STPG2: variants seen among roughly 807,000 people sequenced by gnomAD.
STPG2 encodes sperm tail PG-rich repeat containing 2.
STPG2 carries 56 observed loss-of-function variants against 54.2 expected under a neutral mutation model. That is an observed-to-expected ratio of 1.03 (90% CI 0.83 to 1.29). STPG2 has a LOEUF of 1.29. STPG2 is among the 50% of genes most tolerant of loss of function. The probability of loss-of-function intolerance (pLI) is 0.00; values close to 1 mark genes in which losing one functional copy is unlikely to be tolerated. For synonymous variants in STPG2, 200 were observed against 181.8 expected (o/e 1.10, Z -0.81); for missense variants, 596 against 544.9 (o/e 1.09, Z -0.93).
chr4:98,068,529 C>T (rs893149152), intron 5 of STPG2, among the ~76,000 whole-genome samples: 2 of 152,000 alleles, frequency 1.3e-5, no homozygotes, highest in African/African-American at 4.8e-5. Flanking sequence ...TGAATTGCTC[C>T]TGAGTTTCAT....
intron 8 of STPG2, among the ~76,000 whole-genome samples, chr4:97,882,716 A>C (rs977352458): frequency 1.3e-5 from 2 of 152,142 alleles, no homozygotes; most frequent in African/African-American, 4.8e-5. Context: ...AATGATGAAA[A>C]AACATGAAAC....
chr4:97,883,560 T>C (rs184302642), intron 8 of STPG2, among the ~76,000 whole-genome samples: 4 of 151,676 alleles, frequency 2.6e-5, no homozygotes, highest in Admixed American at 2.6e-4. Flanking sequence ...AGCAGCAACA[T>C]GAAATTATAA....
chr4:97,966,864 A>G (rs1257413473), intron 7 of STPG2, among the ~76,000 whole-genome samples: 1 of 152,248 alleles, frequency 6.6e-6, no homozygotes, highest in Non-Finnish European at 1.5e-5. Flanking sequence ...AGGAAGCACT[A>G]ACCATGGAAA....
chr4:97,902,263 G>A (rs185020815), intron 8 of STPG2, among the ~76,000 whole-genome samples: 1 of 152,028 alleles, frequency 6.6e-6, no homozygotes, highest in African/African-American at 2.4e-5. Flanking sequence ...ATGGATCTGA[G>A]ATCATAAGCA....
intron 9 of STPG2, among the ~76,000 whole-genome samples, chr4:97,720,837 A>G (rs1247864872): frequency 6.6e-6 from 1 of 151,986 alleles, no homozygotes; most frequent in Non-Finnish European, 1.5e-5. Context: ...TGCTACTTTC[A>G]AAGCCTGTTA....
At chr4:98,045,141 G>A (rs1383705335) in intron 5 of STPG2, among the ~76,000 whole-genome samples, 1 of 151,526 alleles carries the variant, frequency 6.6e-6, no homozygotes, top group African/African-American at 2.4e-5. Flanking sequence ...ATTCCAAGGA[G>A]TCTGGCATTC....
At chr4:97,618,717 A>AG (rs1216462425) in intron 10 of STPG2, among the ~76,000 whole-genome samples, 1 of 152,178 alleles carries the variant, frequency 6.6e-6, no homozygotes, top group Non-Finnish European at 1.5e-5. Flanking sequence ...ATTCACTACA[A>AG]GGAGTTTACT....
chr4:97,816,556 G>A (rs959410986), intron 9 of STPG2, among the ~76,000 whole-genome samples: 1 of 152,088 alleles, frequency 6.6e-6, no homozygotes, highest in African/African-American at 2.4e-5. Flanking sequence ...GGATATGTCT[G>A]TGAGAGTGTT....
At chr4:97,821,010 A>C (rs1185588204) in intron 9 of STPG2, among the ~76,000 whole-genome samples, 1 of 152,150 alleles carries the variant, frequency 6.6e-6, no homozygotes, top group East Asian at 1.9e-4. Context: ...CATGCTTTCC[A>C]ATAGGTTCCC....
rs1409876680 is a variant in STPG2, at chr4:97,780,942, G to A, written c.1204+59831C>T. On this transcript the variant is annotated intron_variant, in intron 9 of 10. Transcript: ENST00000295268. ...GACACATTTAAAGCAGTGGGTAGAG[G>A]GAAATTTATAGCACTAAATGCCCAC... 7.9e-5 allele frequency among the ~76,000 whole-genome samples: 12 copies of A among 152,066 alleles called. No homozygotes were observed. In the East Asian group the frequency reaches 1.9e-3, roughly 24 times the overall value.
chr4:97,642,953 A>G (rs1405425128), intron 10 of STPG2, among the ~76,000 whole-genome samples: 1 of 151,584 alleles, frequency 6.6e-6, no homozygotes, highest in African/African-American at 2.4e-5. Flanking sequence ...GTAGTAAAGC[A>G]ATATTAACCA....
At chr4:98,054,508 G>C (rs1737424366) in intron 5 of STPG2, among the ~76,000 whole-genome samples, 1 of 152,202 alleles carries the variant, frequency 6.6e-6, no homozygotes, top group African/African-American at 2.4e-5. Context: ...AAGATACTTA[G>C]AGCTCAAAAT....
rs1196971223 is a variant in STPG2 at position 97,882,420 on chromosome 4, A to G, written c.1045-41488T>C. On this transcript the variant is annotated intron_variant, in intron 8 of 10. Coordinates refer to ENST00000295268, the MANE Select transcript of STPG2 (RefSeq NM_174952.3). ...GTAAACCATGTTGCCTCAAGGGCAC[A>G]GGTGCAGATCCCTGGAGAAAGAAAA... 2.0e-5 allele frequency among the ~76,000 whole-genome samples: 3 copies of G among 152,310 alleles called. 1 individual carries two copies. The East Asian group carries it at 5.8e-4, about 29-fold the overall frequency.
intron 9 of STPG2, among the ~76,000 whole-genome samples, chr4:97,731,312 G>T (rs985480225): frequency 2.0e-5 from 3 of 152,086 alleles, no homozygotes; most frequent in African/African-American, 7.2e-5. Flanking sequence ...TTCCTGCATT[G>T]GGTTTCACAG....
At chr4:98,079,929 C>A (rs1738290597) in intron 5 of STPG2, among the ~76,000 whole-genome samples, 1 of 151,930 alleles carries the variant, frequency 6.6e-6, no homozygotes, top group South Asian at 2.1e-4. Flanking sequence ...ATGTATATAT[C>A]TATTAAAAAT....
chr4:97,767,786 G>T lies in STPG2; in HGVS notation c.1205-54972C>A, dbSNP rs76631100. Among the ~76,000 whole-genome samples, 621 of 152,188 alleles carry T rather than the reference G, an allele frequency of 4.1e-3. 28 individuals carry two copies. The East Asian group carries it at 0.1, about 25-fold the overall frequency. On this transcript the variant is annotated intron_variant, in intron 9 of 10. Coordinates refer to ENST00000295268, the MANE Select transcript of STPG2 (RefSeq NM_174952.3). ...GATTTGGCTTTTTCCTAACAATCTG[G>T]CATTTTTGAGAAAACAAAAATTGAT... is the stretch of plus-strand genomic sequence containing the variant.
chr4:98,087,226 G>A (rs987519779), intron 5 of STPG2, among the ~76,000 whole-genome samples: 6 of 131,388 alleles, frequency 4.6e-5, no homozygotes, highest in African/African-American at 1.8e-4. Context: ...TTTCAAGAAT[G>A]CATTAAATTT....
chr4:97,972,350 G>T lies in STPG2; in HGVS notation c.863C>A (p.Ser288Tyr). 1 of 1,610,646 alleles carries T rather than the reference G, an allele frequency of 6.2e-7. No homozygotes were observed. The highest frequency in any genetic ancestry group is 8.5e-7 in the Non-Finnish European group (1 of 1,178,094). ...CGAGAAGAAAGTCCGAGGAACAGAA[G>T]AACCAAATGCACTTTTCTTCTGTTT... Reference protein sequence around the residue: ...SKKQKKSAFGSSVPRTFFSVQ... With the variant: ...SKKQKKSAFGYSVPRTFFSVQ... The change falls in exon 7 of 11, where the codon TCT becomes TAT. Residue 288 changes from serine (S) to tyrosine (Y), a missense_variant. By Grantham distance (144) the Ser-to-Tyr change is moderately radical (BLOSUM62 -2). Coordinates refer to ENST00000295268, the MANE Select transcript of STPG2 (RefSeq NM_174952.3).
At position 97,969,615 on chromosome 4, in the gene STPG2, T is replaced by A. The variant is rs569439747; in HGVS notation, c.933+2665A>T. ...GGGCTGCTGGCCAGATCCCGCAATATTCATGTTAAAAACTCTCAATAAACT... is the reference window on the plus strand; with the variant it reads ...GGGCTGCTGGCCAGATCCCGCAATAATCATGTTAAAAACTCTCAATAAACT... On this transcript the variant is annotated intron_variant, in intron 7 of 10. Coordinates refer to ENST00000295268, the MANE Select transcript of STPG2 (RefSeq NM_174952.3). Among the ~76,000 whole-genome samples the A allele has an allele frequency of 1.1e-3, 164 of 152,280 alleles. 2 individuals are homozygous for A. The South Asian group carries it at 0.019, about 18-fold the overall frequency.
Sources: gnomAD v4.1 joint callset for allele counts (sites outside exome capture counted in the v4.1 genomes callset) on GRCh38, gnomAD v4.1.1 for gene constraint, MANE v1.5 for transcripts, NCBI Gene and HGNC (gene_info 2026-07-23, HGNC 2026-07-21) for gene names.